The following ZHX3 variants were observed in gnomAD, a reference collection of about 807,000 sequenced individuals.
ZHX3 encodes zinc fingers and homeoboxes 3, also known as zinc fingers and homeoboxes protein 3.
In ZHX3, 20 loss-of-function variants were observed where a neutral mutation model predicts 64.5. The observed-to-expected ratio is 0.31, with a 90% CI of 0.22 to 0.45. The LOEUF (loss-of-function observed/expected upper bound fraction) is 0.45. Among genes scored for constraint, ZHX3 ranks in the 20% least tolerant of loss-of-function variants. The pLI, the probability that ZHX3 is intolerant of heterozygous loss-of-function variation, is 1.00. For synonymous variants in ZHX3, 423 were observed against 461.6 expected, an observed-to-expected ratio of 0.92 and a Z score of 1.07; for missense variants, 1,041 against 1,195.8, an observed-to-expected ratio of 0.87 and a Z score of 1.91.
At chr20:41,217,762 T>C (rs1427778665) in intron 2 of ZHX3, among the ~76,000 whole-genome samples, 1 of 152,152 alleles carries the variant, frequency 6.6e-6, no homozygotes, top group Non-Finnish European at 1.5e-5. Context: ...CTTCCCTCAT[T>C]GTAGTATTGA....
In ZHX3 at chr20:41,181,015, T is replaced by C. The variant is rs943606328; in HGVS notation, c.*4176A>G. 2 of 152,270 alleles carry C rather than the reference T, an allele frequency of 1.3e-5. No homozygotes were observed. The highest frequency in any genetic ancestry group is 6.5e-5 in the Admixed American group (1 of 15,284). The allele number at this position is 152,270 out of a possible 1,614,324, so 9.4% of individuals were successfully genotyped here. On this transcript the variant is annotated 3_prime_UTR_variant, in exon 4 of 4. Coordinates refer to ENST00000683867, the MANE Select transcript of ZHX3 (RefSeq NM_001384317.1). Reference sequence around the variant, plus strand: ...CCATTTGCTCAGACAATGGAGCTTTTCTGAGATCAAGTGCTCCCCAAACTA... The same window carrying C: ...CCATTTGCTCAGACAATGGAGCTTTCCTGAGATCAAGTGCTCCCCAAACTA...
rs1030421159 is a variant in ZHX3, at chr20:41,269,096, C to G, written c.-244-13G>C. ...TTGCATTTCAGTCCTATAAAAGAAG[C>G]AGCACATCATCACTTTATGAGAAAA... is the stretch of plus-strand genomic sequence containing the variant. On this transcript the variant is annotated splice_polypyrimidine_tract_variant and intron_variant, in intron 1 of 3. Coordinates refer to ENST00000683867, the MANE Select transcript of ZHX3 (RefSeq NM_001384317.1). 1.3e-5 allele frequency: 2 copies of G among 152,182 alleles called. No homozygotes were observed. Among genetic ancestry groups the G allele is most frequent in the Non-Finnish European group, 2.9e-5 (2 of 68,028 alleles). The allele number at this position is 152,182 out of a possible 1,614,324, so 9.4% of individuals were successfully genotyped here. A position where few individuals can be genotyped will look rare whatever the true frequency, so the allele number is the denominator to read the frequency against.
chr20:41,235,752 T>C (rs2040934866), intron 2 of ZHX3, among the ~76,000 whole-genome samples: 4 of 152,128 alleles, frequency 2.6e-5, no homozygotes, highest in Admixed American at 2.6e-4. Flanking sequence ...TTCAACATAG[T>C]GTTGGAAGTT....
At position 41,185,687 on chromosome 20, in the gene ZHX3, T is replaced by C. The variant is rs1411856768; in HGVS notation, c.2861-486A>G. 1 of 165,134 alleles carries C rather than the reference T, an allele frequency of 6.1e-6. No individual in the cohort carries two copies. The highest frequency in any genetic ancestry group is 1.3e-5 in the Non-Finnish European group (1 of 76,940). The allele number at this position is 165,134 out of a possible 1,614,324, so 10.2% of individuals were successfully genotyped here. On this transcript the variant is annotated intron_variant, in intron 3 of 3. Transcript: ENST00000683867. The surrounding 1 kb of genome is among the most constrained non-coding windows in gnomAD (Gnocchi z 5.0). Reference sequence around the variant, plus strand: ...TGCAACCCTAACATCAAAGTCAAAGTAAGGCTGATATCAGAGAGGTTCATC... The same window carrying C: ...TGCAACCCTAACATCAAAGTCAAAGCAAGGCTGATATCAGAGAGGTTCATC...
chr20:41,309,684 G>A (rs2045074103), intron 1 of ZHX3, among the ~76,000 whole-genome samples: 1 of 152,138 alleles, frequency 6.6e-6, no homozygotes, highest in Admixed American at 6.5e-5. Context: ...GATTCCTGCA[G>A]GGTAACCACA....
Position 41,227,446 on chromosome 20 carries a change from T to C in ZHX3, c.-150-22380A>G, listed in dbSNP as rs181879694. Among the ~76,000 whole-genome samples, 54 of 152,322 alleles carry C rather than the reference T, an allele frequency of 3.5e-4. 1 individual carries two copies. In the East Asian group the frequency reaches 4.8e-3, roughly 14 times the overall value. Reference sequence around the variant, plus strand: ...AACTATTTATCAGGAATGAAGTACATATATCTCCCTATTCGCATCTCAGCC... The same window carrying C: ...AACTATTTATCAGGAATGAAGTACACATATCTCCCTATTCGCATCTCAGCC... On this transcript the variant is annotated intron_variant, in intron 2 of 3. Transcript: ENST00000683867.
intron 2 of ZHX3, among the ~76,000 whole-genome samples, chr20:41,238,347 C>G (rs1288709917): frequency 3.3e-5 from 5 of 150,980 alleles, no homozygotes; most frequent in African/African-American, 7.3e-5. Flanking sequence ...CAAGACTCAA[C>G]AGAAGGAAAA....
rs1053622154 is a variant in ZHX3 at position 41,182,279 on chromosome 20, G to A, written c.*2912C>T. On this transcript the variant is annotated 3_prime_UTR_variant, in exon 4 of 4. Coordinates refer to ENST00000683867, the MANE Select transcript of ZHX3 (RefSeq NM_001384317.1). This position sits in a 1 kb window ranked among gnomAD's most constrained non-coding sequence, Gnocchi z 6.1. The stretch of plus-strand genomic sequence containing the variant: ...AGTCCAACTGCATACAGAGAAAAGG[G>A]ATAAGATTAGCCACTTTTTATAGGC... The A allele has an allele frequency of 3.3e-5, 5 of 152,178 alleles. No homozygotes were observed. Among genetic ancestry groups the A allele is most frequent in the African/African-American group, 1.2e-4 (5 of 41,442 alleles). The allele number at this position is 152,178 out of a possible 1,614,324, so 9.4% of individuals were successfully genotyped here.
intron 1 of ZHX3, among the ~76,000 whole-genome samples, chr20:41,279,340 C>T (rs1025130957): frequency 1.2e-4 from 18 of 152,048 alleles, no homozygotes; most frequent in African/African-American, 2.2e-4. Context: ...CCACAACCCC[C>T]GCTCCACACA....
intron 2 of ZHX3, among the ~76,000 whole-genome samples, chr20:41,222,561 A>G (rs1324305814): frequency 6.6e-6 from 1 of 152,188 alleles, no homozygotes; most frequent in Non-Finnish European, 1.5e-5. Context: ...ATCTACAGAG[A>G]AACTACAGAA....
At chr20:41,299,335 G>A (rs2044698324) in intron 1 of ZHX3, among the ~76,000 whole-genome samples, 1 of 152,120 alleles carries the variant, frequency 6.6e-6, no homozygotes, top group South Asian at 2.1e-4. Context: ...ATGATTTTGA[G>A]TAATTATGCT....
chr20:41,282,361 C>T (rs200571020), intron 1 of ZHX3, among the ~76,000 whole-genome samples: 190 of 97,170 alleles, frequency 2.0e-3, no homozygotes, highest in African/African-American at 2.2e-3. Flanking sequence ...CACAATTCAT[C>T]TTTTTTTTTT....
chr20:41,300,668 A>G (rs1380854201), intron 1 of ZHX3, among the ~76,000 whole-genome samples: 1 of 152,176 alleles, frequency 6.6e-6, no homozygotes, highest in Non-Finnish European at 1.5e-5. Context: ...CTTTTGGAGG[A>G]GGGGCACCTG....
At chr20:41,235,389 C>T (rs963931046) in intron 2 of ZHX3, among the ~76,000 whole-genome samples, 2 of 152,174 alleles carry the variant, frequency 1.3e-5, no homozygotes, top group African/African-American at 2.4e-5. Flanking sequence ...ACTGGCAAAC[C>T]GAATCCAGCA....
At chr20:41,199,640 A>G (rs1373476179) in intron 3 of ZHX3, among the ~76,000 whole-genome samples, 1 of 151,968 alleles carries the variant, frequency 6.6e-6, no homozygotes, top group Admixed American at 6.6e-5. Flanking sequence ...CATTGAGACA[A>G]TGATCAGCCT....
rs11327834 is a variant in ZHX3, at chr20:41,266,844, C to CTTT, written c.-151+2143_-151+2145dup. 2.3e-3 allele frequency among the ~76,000 whole-genome samples: 179 copies of CTTT among 76,460 alleles called. 12 individuals are homozygous for CTTT. Among genetic ancestry groups the CTTT allele is most frequent in the Middle Eastern group, 0.019 (2 of 104 alleles). The allele number at this position is 76,460 out of a possible 152,430, so 50.2% of individuals were successfully genotyped here. On this transcript the variant is annotated intron_variant, in intron 2 of 3. Coordinates refer to ENST00000683867, the MANE Select transcript of ZHX3 (RefSeq NM_001384317.1). The stretch of plus-strand genomic sequence containing the variant: ...ACAGGCGTGAGCCACCGTGCCCGGC[C>CTTT]TTTTTTTTTTTTTTTTTTTTTTTTT...
intron 1 of ZHX3, among the ~76,000 whole-genome samples, chr20:41,288,150 T>C (rs1240659612): frequency 6.6e-6 from 1 of 152,146 alleles, no homozygotes; most frequent in Non-Finnish European, 1.5e-5. Context: ...ACTTTAGCCT[T>C]CCAGGACTAT....
At chr20:41,256,370 A>T (rs538060683) in intron 2 of ZHX3, among the ~76,000 whole-genome samples, 239 of 151,788 alleles carry the variant, frequency 1.6e-3, no homozygotes, top group Middle Eastern at 6.8e-3. Context: ...TAAATTGAGA[A>T]TTTTTTTATA....
intron 3 of ZHX3, among the ~76,000 whole-genome samples, chr20:41,199,563 G>GA (rs369311082): frequency 1.1e-3 from 163 of 143,334 alleles, no homozygotes; most frequent in African/African-American, 1.9e-3. Flanking sequence ...GAGGAATAAA[G>GA]AAAAAAAAAA....
Sources: gnomAD v4.1 joint callset for allele counts (sites outside exome capture counted in the v4.1 genomes callset) on GRCh38, gnomAD v4.1.1 for gene constraint, Gnocchi (gnomAD v3.1) non-coding constraint, MANE v1.5 for transcripts, NCBI Gene and HGNC (gene_info 2026-07-23, HGNC 2026-07-21) for gene names.